The following TMC2 variants were observed in gnomAD, a reference collection of about 807,000 sequenced individuals.
TMC2 encodes the protein transmembrane channel-like protein 2.
In TMC2, 102 loss-of-function variants were observed where a neutral mutation model predicts 105.9. The ratio of observed to expected loss-of-function variants is 0.96; its 90% CI spans 0.82 to 1.14. TMC2 has a LOEUF of 1.14. Ranked by LOEUF, TMC2 falls within the 50% of genes most tolerant of loss-of-function variation. The pLI is 0.00. For missense variants in TMC2, 1,093 were observed against 1,134.3 expected (o/e 0.96, Z 0.52); for synonymous variants, 402 against 422.8 (o/e 0.95, Z 0.60).
intron 2 of TMC2, among the ~76,000 whole-genome samples, chr20:2,539,996 T>C (rs1317117404): frequency 6.9e-6 from 1 of 145,222 alleles, no homozygotes; most frequent in Admixed American, 6.8e-5. Context: ...TTTTCTTTTT[T>C]TTTTTTTTTT....
intron 2 of TMC2, among the ~76,000 whole-genome samples, chr20:2,545,084 G>A (rs1182341079): frequency 6.6e-6 from 1 of 151,622 alleles, no homozygotes; most frequent in Non-Finnish European, 1.5e-5. Flanking sequence ...GCACACACCT[G>A]TAGTTCTAAC....
At chr20:2,625,008 AT>A (rs148142979) in intron 17 of TMC2, among the ~76,000 whole-genome samples, 17,810 of 152,172 alleles carry the variant, frequency 0.12, 1,191 homozygotes, top group Middle Eastern at 0.16. Context: ...CTCAACAACC[AT>A]TAGAGAACAA....
At chr20:2,584,706 T>G (rs2086220597) in intron 7 of TMC2, among the ~76,000 whole-genome samples, 1 of 152,212 alleles carries the variant, frequency 6.6e-6, no homozygotes, top group African/African-American at 2.4e-5. Flanking sequence ...ATAATTTTTT[T>G]GTCTCATTTA....
At chr20:2,597,575 C>T (rs1002091423) in intron 10 of TMC2, among the ~76,000 whole-genome samples, 4 of 152,142 alleles carry the variant, frequency 2.6e-5, no homozygotes, top group Non-Finnish European at 5.9e-5. Context: ...ACAACCTCTG[C>T]CTCCTGGGCT....
At chr20:2,638,201 C>T (rs1299568310) in intron 19 of TMC2, among the ~76,000 whole-genome samples, 3 of 151,992 alleles carry the variant, frequency 2.0e-5, no homozygotes, top group East Asian at 3.9e-4. Flanking sequence ...ATTAGCCGGG[C>T]GTGGTGGCGG....
rs553301645 is a variant in TMC2 at position 2,606,208 on chromosome 20, C to A, written c.1413+3907C>A. On this transcript the variant is annotated intron_variant, in intron 11 of 19. Transcript: ENST00000358864. ...AGTCCATTAACTTTACTTAAGAATA[C>A]ATCCTGGTATTGGTCATTCTTGATA... Among the ~76,000 whole-genome samples the A allele has an allele frequency of 3.3e-5, 5 of 152,312 alleles. No homozygotes were observed. The East Asian group carries it at 7.7e-4, about 23-fold the overall frequency.
At chr20:2,564,930 T>C (rs2122842246) in intron 4 of TMC2, among the ~76,000 whole-genome samples, 1 of 152,310 alleles carries the variant, frequency 6.6e-6, no homozygotes, top group Non-Finnish European at 1.5e-5. Flanking sequence ...CAGCCTCTAG[T>C]CTCCACCCGA....
intron 18 of TMC2, 36 bp downstream of exon 18, chr20:2,636,040 A>C (rs1347425964): frequency 6.3e-7 from 1 of 1,583,786 alleles, no homozygotes. Flanking sequence ...GGACGGTAAA[A>C]AGAGATCATG....
intron 19 of TMC2, among the ~76,000 whole-genome samples, chr20:2,640,393 T>C (rs892930813): frequency 6.6e-6 from 1 of 152,218 alleles, no homozygotes; most frequent in Admixed American, 6.5e-5. Flanking sequence ...TGATACTAGC[T>C]GCTGCAACAA....
At chr20:2,623,966 G>A (rs1442183059) in intron 16 of TMC2, among the ~76,000 whole-genome samples, 1 of 151,286 alleles carries the variant, frequency 6.6e-6, no homozygotes, top group Non-Finnish European at 1.5e-5. Flanking sequence ...AATACATGAG[G>A]AAAACCATTT....
chr20:2,614,852 C>T (rs949443574), intron 14 of TMC2, among the ~76,000 whole-genome samples: 6 of 151,776 alleles, frequency 4.0e-5, no homozygotes, highest in African/African-American at 1.5e-4. Context: ...ATCCCTCATT[C>T]ATTTCATCTA....
chr20:2,617,183 C>A lies in TMC2; in HGVS notation c.2052C>A (p.Arg684=). The A allele has an allele frequency of 9.3e-6, 15 of 1,614,218 alleles. No individual in the cohort carries two copies. Among genetic ancestry groups the A allele is most frequent in the Non-Finnish European group, 1.3e-5 (15 of 1,180,034 alleles). The change falls in exon 16 of 20, where the codon CGC becomes CGA. Residue 684 remains arginine, a synonymous_variant. Coordinates refer to ENST00000358864, the MANE Select transcript of TMC2 (RefSeq NM_080751.3). ...AVMSSNVPHE[R]VFKASRSNNF... ...TGAGCAGCAACGTACCCCATGAACG[C>A]GTGTTCAAAGCCTCCCGATCCAACA...
intron 12 of TMC2, 28 bp downstream of exon 12, chr20:2,610,626 C>CTGG (rs1311521968): frequency 7.1e-7 from 1 of 1,406,638 alleles, no homozygotes; most frequent in Admixed American, 2.4e-5. Context: ...CCCCACCCCA[C>CTGG]TGCAATTCCT....
intron 7 of TMC2, among the ~76,000 whole-genome samples, chr20:2,588,965 A>G (rs2086249561): frequency 1.3e-5 from 2 of 152,124 alleles, no homozygotes; most frequent in Non-Finnish European, 1.5e-5. Flanking sequence ...TTCTCTACCA[A>G]AATGATTCAT....
At chr20:2,544,365 T>A (rs1305857421) in intron 2 of TMC2, among the ~76,000 whole-genome samples, 1 of 152,200 alleles carries the variant, frequency 6.6e-6, no homozygotes, top group Non-Finnish European at 1.5e-5. Context: ...AGAGTTTGTA[T>A]AATCTACTTC....
rs185493425 is a variant in TMC2, at chr20:2,582,112, C to G, written c.834+2056C>G. On this transcript the variant is annotated intron_variant, in intron 7 of 19. Transcript: ENST00000358864. ...TGTTGCAGTAGGTCAGTGCTAGATC[C>G]GGGTAATATCAATGGGAATGGATTA... Among the ~76,000 whole-genome samples the G allele has an allele frequency of 2.6e-5, 4 of 152,166 alleles. No homozygotes were observed. The East Asian group carries it at 5.8e-4, about 22-fold the overall frequency.
intron 3 of TMC2, among the ~76,000 whole-genome samples, chr20:2,561,234 AC>A (rs2086023838): frequency 6.6e-6 from 1 of 152,238 alleles, no homozygotes; most frequent in Non-Finnish European, 1.5e-5. Flanking sequence ...TCAAAGGAAA[AC>A]CATATTCTGC....
chr20:2,577,044 A>G (rs1383750589), intron 5 of TMC2, among the ~76,000 whole-genome samples: 1 of 151,578 alleles, frequency 6.6e-6, no homozygotes, highest in African/African-American at 2.4e-5. Context: ...AATAGCTGGG[A>G]TTACAGGTGC....
At chr20:2,541,689 G>T (rs1440082826) in intron 2 of TMC2, among the ~76,000 whole-genome samples, 8 of 150,488 alleles carry the variant, frequency 5.3e-5, no homozygotes, top group Admixed American at 1.3e-4. Context: ...AAAGAAAAAA[G>T]AAAGTATTTT....
Sources: gnomAD v4.1 joint callset for allele counts (sites outside exome capture counted in the v4.1 genomes callset) on GRCh38, gnomAD v4.1.1 for gene constraint, MANE v1.5 for transcripts, NCBI Gene and HGNC (gene_info 2026-07-23, HGNC 2026-07-21) for gene names.